PDXDC1: variants seen among roughly 807,000 people sequenced by gnomAD.
PDXDC1 encodes the protein pyridoxal-dependent decarboxylase domain-containing protein 1.
PDXDC1 carries 42 observed loss-of-function variants against 100.1 expected under a neutral mutation model. The ratio of observed to expected loss-of-function variants is 0.42; its 90% CI spans 0.33 to 0.54. The LOEUF (loss-of-function observed/expected upper bound fraction) is 0.54. Among genes scored for constraint, PDXDC1 ranks in the 20% least tolerant of loss-of-function variants. The pLI, the probability that PDXDC1 is intolerant of heterozygous loss-of-function variation, is 0.10. For synonymous variants in PDXDC1, 260 were observed against 371.7 expected, an observed-to-expected ratio of 0.70 and a Z score of 3.46; for missense variants, 636 against 979.2, an observed-to-expected ratio of 0.65 and a Z score of 4.68.
At chr16:15,110,932 C>A (rs2047023938) in intron 16 of PDXDC1, 3 of 849,378 alleles carry the variant, frequency 3.5e-6, no homozygotes, top group Admixed American at 4.9e-5. Context: ...AGTTCAAGAC[C>A]AGCCTGGCCA....
rs904330370 is a variant in PDXDC1 at position 15,076,326 on chromosome 16, G to A, written c.1399+46270G>A. The A allele has an allele frequency of 2.7e-5, 16 of 597,070 alleles. No individual in the cohort carries two copies. In the African/African-American group the frequency reaches 2.8e-4, roughly 10 times the overall value. 37.0% of individuals were successfully genotyped at this position (597,070 alleles called of 1,614,324 possible). A position where few individuals can be genotyped will look rare whatever the true frequency, so the allele number is the denominator to read the frequency against. On this transcript the variant is annotated intron_variant, in intron 16 of 16. Coordinates refer to the PDXDC1 transcript ENST00000535621. Reference sequence around the variant, plus strand: ...CAAAAACAAACACTGAAAGTTACAAGAACAAAAGTGAAACATACTTCACCA... The same window carrying A: ...CAAAAACAAACACTGAAAGTTACAAAAACAAAAGTGAAACATACTTCACCA...
chr16:15,147,539 C>T, the PDXDC1 span, among the ~76,000 whole-genome samples: 1 of 152,140 alleles, frequency 6.6e-6, no homozygotes, highest in East Asian at 1.9e-4. Flanking sequence ...TAGACCTTTT[C>T]TTTTTGAGAC....
intron 16 of PDXDC1, among the ~76,000 whole-genome samples, chr16:15,129,008 C>G (rs867812083): frequency 6.6e-6 from 1 of 150,862 alleles, no homozygotes; most frequent in Non-Finnish European, 1.5e-5. Context: ...AGGGTTTCAC[C>G]GTTAGCCAGG....
chr16:15,077,213 A>T (rs1368494758), intron 16 of PDXDC1, among the ~76,000 whole-genome samples: 1 of 151,914 alleles, frequency 6.6e-6, no homozygotes, highest in African/African-American at 2.4e-5. Flanking sequence ...TCCTGACCTC[A>T]GGTGATCCAC....
rs772260165 is a variant in PDXDC1, at chr16:15,006,473, C to G, written c.469C>G (p.Arg157Gly). The G allele has an allele frequency of 2.5e-6, 4 of 1,610,512 alleles. No individual in the cohort carries two copies. The African/African-American group carries it at 5.3e-5, about 21-fold the overall frequency. Residue 157 changes from arginine (R) to glycine (G), a missense_variant, in exon 6 of 23, where the codon CGA (arginine) becomes GGA (glycine). Arg to Gly is a moderately radical substitution (Grantham distance 125, BLOSUM62 -2). This residue lies in a region of PDXDC1 where 125 missense variants were observed against 479.9 expected (regional missense o/e 0.26). Coordinates refer to ENST00000396410, the MANE Select transcript of PDXDC1 (RefSeq NM_015027.4). ...GATATGTAGGCTTGCCATTCATTCT[C>G]GATATGAAGACTTCGTAGTGGATGG... ...AKICRLAIHS[R>G]YEDFVVDGFN...
At chr16:15,130,287 C>T (rs577968301) in intron 16 of PDXDC1, 43 of 1,533,682 alleles carry the variant, frequency 2.8e-5, no homozygotes, top group African/African-American at 1.1e-4. Flanking sequence ...GACGGCCTGG[C>T]GGGGCGAGGT....
chr16:15,129,074 G>A (rs1374950845), intron 16 of PDXDC1, among the ~76,000 whole-genome samples: 2 of 151,544 alleles, frequency 1.3e-5, no homozygotes, highest in African/African-American at 4.8e-5. Context: ...CAAAGTGCTC[G>A]GATTACAGGT....
rs1055498111 is a variant in PDXDC1 at position 15,033,293 on chromosome 16, G to C, written c.1706G>C (p.Ser569Thr). 4 of 1,614,058 alleles carry C rather than the reference G, an allele frequency of 2.5e-6. No homozygotes were observed. In the African/African-American group the frequency reaches 4.0e-5, roughly 16 times the overall value. The change falls in exon 19 of 23, where the codon AGC (serine) becomes ACC (threonine). Residue 569 changes from serine (S) to threonine (T), a missense_variant. Around this residue, in one of 4 missense-constraint regions of PDXDC1, gnomAD observed 452 missense variants for 402.9 expected, o/e 1.12. Coordinates refer to ENST00000396410, the MANE Select transcript of PDXDC1 (RefSeq NM_015027.4). ...LTFKIGPEYK[S>T]MKSCLYVGMA... ...ACCTTTGCAGGCCCTGAGTATAAGA[G>C]CATGAAGAGCTGCCTTTATGTCGGC... is the stretch of plus-strand genomic sequence containing the variant.
Position 15,038,272 on chromosome 16 carries a change from G to T in PDXDC1, c.*1997G>T. On this transcript the variant is annotated 3_prime_UTR_variant, in exon 23 of 23. Transcript: ENST00000396410. ...CCTTACTGTCCCCTGCTGTGATAAAGATGTCAAAGTATCTTTGTTCTTGGA... is the reference window on the plus strand; with the variant it reads ...CCTTACTGTCCCCTGCTGTGATAAATATGTCAAAGTATCTTTGTTCTTGGA... 8.6e-7 allele frequency: 1 copy of T among 1,169,510 alleles called. No homozygotes were observed. The highest frequency in any genetic ancestry group is 1.4e-5 in the South Asian group (1 of 71,670). The allele number at this position is 1,169,510 out of a possible 1,614,324, so 72.4% of individuals were successfully genotyped here.
intron 1 of PDXDC1, among the ~76,000 whole-genome samples, chr16:14,993,984 G>T (rs1250533600): frequency 6.6e-6 from 1 of 152,400 alleles, no homozygotes; most frequent in Non-Finnish European, 1.5e-5. Flanking sequence ...ACTTTTTGAT[G>T]GGGTTGTTTT....
rs560826836 is a variant in PDXDC1 at position 15,104,593 on chromosome 16, G to C, written c.1400-34286G>C. ...GCTGAGGGTGGAAGGGGATAGAGCAGACACTCCGCAGGTGTCTTGAGGCTC... is the reference window on the plus strand; with the variant it reads ...GCTGAGGGTGGAAGGGGATAGAGCACACACTCCGCAGGTGTCTTGAGGCTC... On this transcript the variant is annotated intron_variant, in intron 16 of 16. Transcript: ENST00000535621. 106 of 1,599,620 alleles carry C rather than the reference G, an allele frequency of 6.6e-5. No homozygotes were observed. The East Asian group carries it at 1.6e-3, about 24-fold the overall frequency.
intron 16 of PDXDC1, among the ~76,000 whole-genome samples, chr16:15,051,153 G>A (rs985074701): frequency 1.3e-5 from 2 of 152,242 alleles, no homozygotes; most frequent in Non-Finnish European, 2.9e-5. Flanking sequence ...AGGGCGCAAA[G>A]GCGAATTTTT....
intron 5 of PDXDC1, among the ~76,000 whole-genome samples, chr16:15,004,890 G>A (rs1449685171): frequency 2.6e-5 from 4 of 152,292 alleles, no homozygotes; most frequent in African/African-American, 9.6e-5. Context: ...ACACTGTATT[G>A]TTTAGGGAAT....
chr16:15,135,814 C>T (rs902748825), intron 16 of PDXDC1: 111 of 1,499,988 alleles, frequency 7.4e-5, no homozygotes, highest in Middle Eastern at 2.4e-4. Flanking sequence ...CAGGGGCCAC[C>T]GTCACATTGG....
At position 15,037,690 on chromosome 16, in the gene PDXDC1, A is replaced by G. The variant is rs902726880; in HGVS notation, c.*1415A>G. 24 of 187,452 alleles carry G rather than the reference A, an allele frequency of 1.3e-4. No individual in the cohort carries two copies. Among genetic ancestry groups the G allele is most frequent in the African/African-American group, 5.6e-4 (24 of 42,924 alleles). The allele number at this position is 187,452 out of a possible 1,614,324, so 11.6% of individuals were successfully genotyped here. A position where few individuals can be genotyped will look rare whatever the true frequency, so the allele number is the denominator to read the frequency against. On this transcript the variant is annotated 3_prime_UTR_variant, in exon 23 of 23. Transcript: ENST00000396410. The stretch of plus-strand genomic sequence containing the variant: ...AATAAAGGTTCTTGAAATTGTTACC[A>G]GTGAATTCAGTTTATAAATCTTATT...
At chr16:15,131,519 G>A (rs896996256) in intron 16 of PDXDC1, 23 of 1,608,828 alleles carry the variant, frequency 1.4e-5, no homozygotes, top group East Asian at 2.2e-5. Flanking sequence ...CGCTTGCCCT[G>A]GGCCACGATC....
At chr16:14,978,639 C>G (rs1967250967) in intron 1 of PDXDC1, among the ~76,000 whole-genome samples, 1 of 152,426 alleles carries the variant, frequency 6.6e-6, no homozygotes, top group African/African-American at 2.4e-5. Context: ...AAGCCATCCT[C>G]TTGCCTTAGC....
rs1390175968 is a variant in PDXDC1, at chr16:15,036,450, T to C, written c.*175T>C. 3 of 600,136 alleles carry C rather than the reference T, an allele frequency of 5.0e-6. No homozygotes were observed. The highest frequency in any genetic ancestry group is 6.9e-5 in the Admixed American group (2 of 28,958). The allele number at this position is 600,136 out of a possible 1,614,324, so 37.2% of individuals were successfully genotyped here. On this transcript the variant is annotated 3_prime_UTR_variant, in exon 23 of 23. Transcript: ENST00000396410. The stretch of plus-strand genomic sequence containing the variant: ...GCTTTCTAGGAGGGGAGTCAGCTTG[T>C]CTAACTTCATGTACATGTAGAACCA...
At chr16:15,078,052 A>ACAAGAATGTACCACT (rs2045540657) in intron 16 of PDXDC1, among the ~76,000 whole-genome samples, 1 of 152,244 alleles carries the variant, frequency 6.6e-6, no homozygotes, top group African/African-American at 2.4e-5. Flanking sequence ...CCATTCAAAT[A>ACAAGAATGTACCACT]TCTTAACATA....
Sources: gnomAD v4.1 joint callset for allele counts (sites outside exome capture counted in the v4.1 genomes callset) on GRCh38, gnomAD v4.1.1 for gene constraint, gnomAD v4.1.1 regional missense constraint, MANE v1.5 for transcripts, NCBI Gene and HGNC (gene_info 2026-07-23, HGNC 2026-07-21) for gene names.